Variants in KAZN observed in about 807,000 individuals in gnomAD.
KAZN encodes kazrin.
KAZN carries 40 observed loss-of-function variants against 87.4 expected under a neutral mutation model. The observed-to-expected ratio is 0.46, with a 90% CI of 0.36 to 0.60. KAZN has a LOEUF of 0.60. Among genes scored for constraint, KAZN ranks in the 20% least tolerant of loss-of-function variants. KAZN has a pLI of 0.00. For synonymous variants in KAZN, 466 were observed against 458.3 expected, an observed-to-expected ratio of 1.02 and a Z score of -0.22; for missense variants, 898 against 1,073.9, an observed-to-expected ratio of 0.84 and a Z score of 2.29.
intron 2 of KAZN, among the ~76,000 whole-genome samples, chr1:14,275,797 C>T (rs1269173544): frequency 6.6e-6 from 1 of 152,194 alleles, no homozygotes; most frequent in Non-Finnish European, 1.5e-5. Flanking sequence ...AAGAGAGTGT[C>T]TCTAGAAAAG....
At chr1:14,815,246 C>T (rs1309733154) in intron 1 of KAZN, among the ~76,000 whole-genome samples, 1 of 152,142 alleles carries the variant, frequency 6.6e-6, no homozygotes, top group East Asian at 1.9e-4. Context: ...TCCTATCCTT[C>T]TCTGTGAGGT....
At chr1:14,499,258 A>G (rs1670111706) in intron 2 of KAZN, among the ~76,000 whole-genome samples, 1 of 152,120 alleles carries the variant, frequency 6.6e-6, no homozygotes, top group South Asian at 2.1e-4. Context: ...TCCCAAACAT[A>G]AAAGAAAGCT....
chr1:14,953,053 G>A (rs74874427), intron 1 of KAZN, among the ~76,000 whole-genome samples: 7,997 of 151,868 alleles, frequency 0.053, 737 homozygotes, highest in African/African-American at 0.18. Context: ...CTGCATGCCC[G>A]CCTCAGAACT....
At chr1:14,152,551 T>C (rs544699288) in intron 1 of KAZN, among the ~76,000 whole-genome samples, 65 of 152,322 alleles carry the variant, frequency 4.3e-4, no homozygotes, top group African/African-American at 1.5e-3. Context: ...TCGTACTCCA[T>C]TGTATATAAG....
At chr1:14,048,816 T>C (rs1317068374) in intron 1 of KAZN, among the ~76,000 whole-genome samples, 1 of 152,210 alleles carries the variant, frequency 6.6e-6, no homozygotes, top group East Asian at 1.9e-4. Context: ...AAATGGTATT[T>C]CTAGTTCTAG....
At chr1:14,696,693 G>A (rs1158996124) in intron 1 of KAZN, among the ~76,000 whole-genome samples, 1 of 152,160 alleles carries the variant, frequency 6.6e-6, no homozygotes, top group Non-Finnish European at 1.5e-5. Context: ...AAATGTCTGG[G>A]TCCCACTCCC....
At chr1:15,073,156 C>T (rs902640367) in intron 8 of KAZN, among the ~76,000 whole-genome samples, 4 of 152,178 alleles carry the variant, frequency 2.6e-5, no homozygotes, top group African/African-American at 9.7e-5. Flanking sequence ...TGAAAGGTCC[C>T]ATGGTAGAGT....
intron 2 of KAZN, among the ~76,000 whole-genome samples, chr1:14,267,074 T>A (rs925731083): frequency 7.7e-6 from 1 of 129,444 alleles, no homozygotes; most frequent in Admixed American, 7.8e-5. Flanking sequence ...TGGTGTGTGA[T>A]GTTCCCAAAT....
intron 1 of KAZN, among the ~76,000 whole-genome samples, chr1:14,009,121 G>T (rs528934603): frequency 2.0e-5 from 3 of 152,296 alleles, no homozygotes; most frequent in African/African-American, 7.2e-5. Flanking sequence ...GTTCATCCAT[G>T]TTGTACCATG....
At chr1:15,052,429 G>T (rs1489256977) in intron 4 of KAZN, among the ~76,000 whole-genome samples, 1 of 152,130 alleles carries the variant, frequency 6.6e-6, no homozygotes, top group Non-Finnish European at 1.5e-5. Flanking sequence ...CTGTCCCTAT[G>T]ATTCAATTAC....
At chr1:14,462,516 C>T (rs948735774) in intron 2 of KAZN, among the ~76,000 whole-genome samples, 1 of 152,128 alleles carries the variant, frequency 6.6e-6, no homozygotes, top group Admixed American at 6.5e-5. Context: ...AGTCCTTTTG[C>T]TTGGGGGGCT....
intron 2 of KAZN, among the ~76,000 whole-genome samples, chr1:14,569,324 T>C (rs1436683035): frequency 7.2e-6 from 1 of 138,336 alleles, no homozygotes; most frequent in African/African-American, 2.8e-5. Context: ...CCTCTGCTTT[T>C]TTTTTTTTTT....
intron 1 of KAZN, among the ~76,000 whole-genome samples, chr1:14,154,996 T>TCCTTCC (rs1553136611): frequency 6.0e-5 from 9 of 149,952 alleles, no homozygotes; most frequent in African/African-American, 9.8e-5. Context: ...CTTCCTTCCT[T>TCCTTCC]TTTCTGATGT....
chr1:14,319,724 G>A (rs942026618), intron 2 of KAZN, among the ~76,000 whole-genome samples: 2 of 152,114 alleles, frequency 1.3e-5, no homozygotes, highest in African/African-American at 2.4e-5. Flanking sequence ...CCTTGTCTCA[G>A]GGATCACAGA....
chr1:15,044,750 GA>G lies in KAZN; in HGVS notation c.726+599del, dbSNP rs1029590782. 3.3e-5 allele frequency among the ~76,000 whole-genome samples: 5 copies of G among 151,528 alleles called. No homozygotes were observed. The East Asian group carries it at 5.8e-4, about 18-fold the overall frequency. ...TCAAACAAAAAAAAAAAAAGGAAAG[GA>G]AAAAAAATTTTTTTTGTTTAAAATA... On this transcript the variant is annotated intron_variant, in intron 4 of 14. Coordinates refer to ENST00000376030, the MANE Select transcript of KAZN (RefSeq NM_201628.3).
intron 1 of KAZN, among the ~76,000 whole-genome samples, chr1:14,730,309 C>G (rs1643620589): frequency 6.6e-6 from 1 of 152,174 alleles, no homozygotes; most frequent in South Asian, 2.1e-4. Context: ...GTCTCGAACT[C>G]CTGACCTTGT....
At chr1:14,569,503 T>C (rs1394853007) in intron 2 of KAZN, among the ~76,000 whole-genome samples, 4 of 151,768 alleles carry the variant, frequency 2.6e-5, no homozygotes, top group Non-Finnish European at 5.9e-5. Flanking sequence ...TTTGTATTTT[T>C]AGTAGAGACG....
intron 1 of KAZN, among the ~76,000 whole-genome samples, chr1:14,886,499 A>T (rs2101130726): frequency 6.6e-6 from 1 of 151,808 alleles, no homozygotes; most frequent in South Asian, 2.1e-4. Flanking sequence ...GAGACATATA[A>T]ACACGCATAT....
intron 2 of KAZN, among the ~76,000 whole-genome samples, chr1:14,230,529 G>T (rs1011028226): frequency 1.3e-5 from 2 of 152,114 alleles, no homozygotes; most frequent in African/African-American, 4.8e-5. Context: ...TTTGAACTCG[G>T]GTCGGAGTCC....
Sources: allele counts gnomAD v4.1 joint callset (sites outside exome capture counted in the v4.1 genomes callset), GRCh38; gene constraint gnomAD v4.1.1; transcripts MANE v1.5; gene names NCBI Gene and HGNC (gene_info 2026-07-23, HGNC 2026-07-21).